The following LRMDA variants were observed in gnomAD, a reference collection of about 807,000 sequenced individuals.
LRMDA encodes the protein leucine rich melanocyte differentiation associated.
A neutral mutation model predicts 29.8 loss-of-function variants in LRMDA; 18 were observed. The ratio of observed to expected loss-of-function variants is 0.60; its 90% CI spans 0.42 to 0.90. The LOEUF (loss-of-function observed/expected upper bound fraction) is 0.90, where lower values mean the gene tolerates loss of function less well. Ranked by LOEUF, LRMDA falls within the 40% of genes least tolerant of loss-of-function variation. LRMDA has a pLI of 0.00. For synonymous variants in LRMDA, 125 were observed against 109.4 expected (o/e 1.14, Z -0.89); for missense variants, 273 against 273.9 (o/e 1.00, Z 0.02).
intron 2 of LRMDA, among the ~76,000 whole-genome samples, chr10:75,897,166 T>C (rs960137276): frequency 2.0e-5 from 3 of 152,188 alleles, no homozygotes; most frequent in African/African-American, 7.2e-5. Flanking sequence ...TCTATCTATG[T>C]GTTTGGGGGC....
At chr10:75,803,655 T>C (rs1177928547) in intron 2 of LRMDA, among the ~76,000 whole-genome samples, 1 of 152,266 alleles carries the variant, frequency 6.6e-6, no homozygotes, top group East Asian at 1.9e-4. Flanking sequence ...AGTTGACCCA[T>C]GCAGAGTCCT....
intron 5 of LRMDA, among the ~76,000 whole-genome samples, chr10:76,090,726 A>C (rs760791356): frequency 5.9e-5 from 9 of 152,340 alleles, no homozygotes; most frequent in African/African-American, 1.4e-4. Context: ...CACATGCTAC[A>C]ACATGGATGA....
Position 76,484,773 on chromosome 10 carries a change from A to G in LRMDA, c.602-72436A>G, listed in dbSNP as rs188797717. Among the ~76,000 whole-genome samples, 433 of 151,792 alleles carry G rather than the reference A, an allele frequency of 2.9e-3. 2 individuals are homozygous for G. Among genetic ancestry groups the G allele is most frequent in the African/African-American group, 9.4e-3 (388 of 41,490 alleles). ...TGGATTTGTTTATTTCTGTTTATTT[A>G]TTTCTCCTTGCAGTCCTAGTACTTT... On this transcript the variant is annotated intron_variant, in intron 6 of 6. Coordinates refer to ENST00000611255, the MANE Select transcript of LRMDA (RefSeq NM_001305581.2).
At chr10:75,666,446 G>GA (rs2132139085) in intron 2 of LRMDA, among the ~76,000 whole-genome samples, 1 of 151,064 alleles carries the variant, frequency 6.6e-6, no homozygotes, top group East Asian at 1.9e-4. Context: ...TCTAAGATCT[G>GA]AAAAAATATC....
chr10:76,343,496 T>A (rs976839299), intron 6 of LRMDA, among the ~76,000 whole-genome samples: 1 of 152,190 alleles, frequency 6.6e-6, no homozygotes, highest in African/African-American at 2.4e-5. Context: ...TTACTTTTTT[T>A]AGTAGATCTG....
intron 5 of LRMDA, among the ~76,000 whole-genome samples, chr10:76,110,370 T>G (rs1849557417): frequency 6.6e-6 from 1 of 152,188 alleles, no homozygotes; most frequent in African/African-American, 2.4e-5. Flanking sequence ...GTCCCCAAAC[T>G]AGTCTTACTT....
chr10:75,904,488 T>C (rs1845727069), intron 2 of LRMDA, among the ~76,000 whole-genome samples: 1 of 152,166 alleles, frequency 6.6e-6, no homozygotes. Flanking sequence ...AAAAAATGAA[T>C]GTGTCAGTAA....
At chr10:76,035,985 T>C in intron 2 of LRMDA, 23 bp from the exon 3 acceptor site, 2 of 1,611,926 alleles carry the variant, frequency 1.2e-6, no homozygotes, top group Non-Finnish European at 1.7e-6. Context: ...GGATCATTTT[T>C]CCTGTTGCCT....
In LRMDA at chr10:75,779,315, C is replaced by T. The variant is rs1408411723; in HGVS notation, c.132-256693C>T. Among the ~76,000 whole-genome samples, 3 of 152,116 alleles carry T rather than the reference C, an allele frequency of 2.0e-5. No individual in the cohort carries two copies. In the South Asian group the frequency reaches 6.2e-4, roughly 32 times the overall value. ...AAAGCAAGAAATAACTACCATTGGC[C>T]ACCACATTCTCCTCTGGGACCAGTA... On this transcript the variant is annotated intron_variant, in intron 2 of 6. Transcript: ENST00000611255.
intron 2 of LRMDA, among the ~76,000 whole-genome samples, chr10:75,797,904 C>G (rs915364148): frequency 2.6e-5 from 4 of 152,130 alleles, no homozygotes; most frequent in African/African-American, 9.7e-5. Flanking sequence ...AGACTGAATT[C>G]TAAAATGACT....
chr10:75,846,939 A>G (rs1844649441), intron 2 of LRMDA, among the ~76,000 whole-genome samples: 2 of 152,196 alleles, frequency 1.3e-5, no homozygotes, highest in Admixed American at 1.3e-4. Flanking sequence ...TACCCAAAAC[A>G]ATCTATAAAT....
intron 2 of LRMDA, among the ~76,000 whole-genome samples, chr10:75,700,789 A>T (rs1842298350): frequency 1.3e-5 from 2 of 151,952 alleles, no homozygotes; most frequent in Non-Finnish European, 2.9e-5. Flanking sequence ...GGGTGAATGG[A>T]TGGATGGATG....
At chr10:75,668,638 A>C (rs1841853675) in intron 2 of LRMDA, among the ~76,000 whole-genome samples, 1 of 152,146 alleles carries the variant, frequency 6.6e-6, no homozygotes, top group African/African-American at 2.4e-5. Context: ...TAATAAGAAA[A>C]ATTTTTTTGA....
At chr10:75,733,768 T>A (rs1477418430) in intron 2 of LRMDA, among the ~76,000 whole-genome samples, 1 of 152,208 alleles carries the variant, frequency 6.6e-6, no homozygotes, top group Non-Finnish European at 1.5e-5. Flanking sequence ...ACACATCTTT[T>A]AAGGTCTTGT....
intron 5 of LRMDA, among the ~76,000 whole-genome samples, chr10:76,218,318 C>T (rs1280863367): frequency 6.6e-6 from 1 of 152,200 alleles, no homozygotes; most frequent in Non-Finnish European, 1.5e-5. Flanking sequence ...CAGGAAGCCA[C>T]CTCGGGCAGT....
intron 5 of LRMDA, among the ~76,000 whole-genome samples, chr10:76,317,644 G>A (rs1460710831): frequency 6.6e-6 from 1 of 152,188 alleles, no homozygotes; most frequent in Non-Finnish European, 1.5e-5. Context: ...CACATTCTCA[G>A]CTCACTGCAA....
At chr10:76,539,239 A>G (rs1284412748) in intron 6 of LRMDA, among the ~76,000 whole-genome samples, 1 of 152,176 alleles carries the variant, frequency 6.6e-6, no homozygotes, top group Non-Finnish European at 1.5e-5. Context: ...TACTCTAGGA[A>G]GAAGAGAGGA....
chr10:76,280,035 T>G (rs1840183253), intron 5 of LRMDA, among the ~76,000 whole-genome samples: 1 of 152,098 alleles, frequency 6.6e-6, no homozygotes, highest in Non-Finnish European at 1.5e-5. Flanking sequence ...ACTGGTGAAA[T>G]TAGATGTTTA....
chr10:75,700,785 A>G (rs945992822), intron 2 of LRMDA, among the ~76,000 whole-genome samples: 3 of 151,948 alleles, frequency 2.0e-5, no homozygotes, highest in Non-Finnish European at 4.4e-5. Flanking sequence ...GGGTGGGTGA[A>G]TGGATGGATG....
Sources: gnomAD v4.1 joint callset for allele counts (sites outside exome capture counted in the v4.1 genomes callset) on GRCh38, gnomAD v4.1.1 for gene constraint, MANE v1.5 for transcripts, NCBI Gene and HGNC (gene_info 2026-07-23, HGNC 2026-07-21) for gene names.